Variants in ATP11C observed in about 807,000 individuals in gnomAD.
ATP11C encodes phospholipid-transporting ATPase IG.
In ATP11C, 36 loss-of-function variants were observed where a neutral mutation model predicts 97.4. The ratio of observed to expected loss-of-function variants is 0.37; its 90% confidence interval spans 0.28 to 0.49. The LOEUF (loss-of-function observed/expected upper bound fraction) is 0.49, where lower values mean the gene tolerates loss of function less well. ATP11C is among the 20% of genes least tolerant of loss of function. ATP11C has a pLI of 0.98. For missense variants in ATP11C, 730 were observed against 824.6 expected (o/e 0.89, Z 1.40); for synonymous variants, 275 against 290.9 (o/e 0.95, Z 0.56).
At chrX:139,846,730 A>C (rs1386108434) in intron 1 of ATP11C, among the ~76,000 whole-genome samples, 1 of 111,362 alleles carries the variant, frequency 9.0e-6, no homozygotes, top group Non-Finnish European at 1.9e-5. Context: ...TCATTGTTAT[A>C]GTTTGTATTT....
chrX:139,787,013 A>G (rs192335701), intron 15 of ATP11C, among the ~76,000 whole-genome samples, 160 bp downstream of exon 15: 4 of 112,185 alleles, frequency 3.6e-5, no homozygotes, highest in African/African-American at 1.3e-4. Context: ...ATTCTATGTA[A>G]CATGGCTTCT....
At chrX:139,761,883 A>G (rs893826370) in intron 22 of ATP11C, 78 bp downstream of exon 22, 2 of 702,343 alleles carry the variant, frequency 2.8e-6, no homozygotes, top group African/African-American at 2.3e-5. Flanking sequence ...AAAAAAAAAA[A>G]GGAAGAACAA....
chrX:139,809,085 C>G (rs2083109266), intron 5 of ATP11C, among the ~76,000 whole-genome samples: 1 of 108,312 alleles, frequency 9.2e-6, no homozygotes, highest in Non-Finnish European at 1.9e-5. Context: ...TGTACTCCAG[C>G]CTGGGTGACA....
chrX:139,857,524 C>G (rs1017482253), intron 1 of ATP11C, among the ~76,000 whole-genome samples: 1 of 111,495 alleles, frequency 9.0e-6, no homozygotes, highest in African/African-American at 3.3e-5. Context: ...ATTCCGATTA[C>G]CTGCTACCTG....
Position 139,733,337 on chromosome X carries a change from G to C in ATP11C, c.3289-1582C>G, listed in dbSNP as rs150994338. ...GTTTTGGCATTGCCCAAGCAAAACA[G>C]AAGATGAGTGGTCAACAATGTGGAT... On this transcript the variant is annotated intron_variant, in intron 28 of 29. Transcript: ENST00000682941. Among the ~76,000 whole-genome samples the C allele has an allele frequency of 3.2e-3, 362 of 112,055 alleles. 1 individual carries two copies. Among genetic ancestry groups the C allele is most frequent in the African/African-American group, 0.011 (340 of 30,921 alleles).
intron 16 of ATP11C, among the ~76,000 whole-genome samples, chrX:139,784,249 G>T (rs1369100170): frequency 9.0e-6 from 1 of 111,620 alleles, no homozygotes; most frequent in Non-Finnish European, 1.9e-5. Context: ...CATAAGAATA[G>T]CAAGTATTTG....
chrX:139,865,105 T>C (rs1569482316), intron 1 of ATP11C, among the ~76,000 whole-genome samples: 1 of 112,210 alleles, frequency 8.9e-6, no homozygotes, highest in Non-Finnish European at 1.9e-5. Flanking sequence ...GGCCAGGCAC[T>C]GTGGCTCATG....
intron 7 of ATP11C, among the ~76,000 whole-genome samples, chrX:139,801,444 AAT>A (rs2082925104): frequency 1.8e-5 from 2 of 112,201 alleles, no homozygotes; most frequent in African/African-American, 6.5e-5. Flanking sequence ...AAGTAGAATG[AAT>A]ACTTTGTTTT....
intron 2 of ATP11C, among the ~76,000 whole-genome samples, chrX:139,822,427 T>G (rs183698858): frequency 0.012 from 1,237 of 107,559 alleles, 43 homozygotes; most frequent in Admixed American, 0.092. Flanking sequence ...TTGTTTGTTT[T>G]TTTTGAGACA....
At chrX:139,842,968 A>G in intron 1 of ATP11C, among the ~76,000 whole-genome samples, 1 of 111,346 alleles carries the variant, frequency 9.0e-6, no homozygotes. Flanking sequence ...TTCAACTCCC[A>G]CCTCATTTTC....
At chrX:139,915,701 A>AAC (rs1418109003) in intron 1 of ATP11C, among the ~76,000 whole-genome samples, 1 of 111,826 alleles carries the variant, frequency 8.9e-6, no homozygotes, top group Non-Finnish European at 1.9e-5. Flanking sequence ...TTGATTAATA[A>AAC]ACACTTCATT....
intron 16 of ATP11C, among the ~76,000 whole-genome samples, chrX:139,784,613 C>T (rs183697417): frequency 2.7e-5 from 3 of 111,430 alleles, no homozygotes; most frequent in African/African-American, 9.8e-5. Flanking sequence ...GGCAAACCAC[C>T]ATGGTGCCTC....
At chrX:139,789,950 A>G (rs1238652809) in intron 12 of ATP11C, among the ~76,000 whole-genome samples, 1 of 110,124 alleles carries the variant, frequency 9.1e-6, no homozygotes, top group East Asian at 2.9e-4. Context: ...GAATTGCTTG[A>G]ATCCAGGAGA....
intron 1 of ATP11C, among the ~76,000 whole-genome samples, chrX:139,876,393 T>A (rs370884003): frequency 4.4e-5 from 5 of 112,385 alleles, no homozygotes; most frequent in African/African-American, 1.6e-4. Context: ...AGGCAGTACC[T>A]TAGGCAGAAA....
At position 139,885,144 on chromosome X, in the gene ATP11C, C is replaced by A. The variant is rs761081562; in HGVS notation, c.27+46872G>T. 1.5e-3 allele frequency among the ~76,000 whole-genome samples: 168 copies of A among 110,671 alleles called. 1 individual carries two copies. Among genetic ancestry groups the A allele is most frequent in the Non-Finnish European group, 2.8e-3 (148 of 52,924 alleles). ...CTACCTCACTCTCCCAATTCCTGTC[C>A]TTCCCTCCCTTCCTCTGTCTCTCTC... On this transcript the variant is annotated intron_variant, in intron 1 of 29. Coordinates refer to ENST00000682941, the MANE Select transcript of ATP11C (RefSeq NM_001353812.2).
At position 139,826,734 on chromosome X, in the gene ATP11C, T is replaced by A; in HGVS notation, c.117A>T (p.Arg39Ser). The change falls in exon 2 of 30, where the codon AGA (arginine) becomes AGT (serine). Residue 39 changes from arginine (R) to serine (S), a missense_variant. Coordinates refer to ENST00000682941, the MANE Select transcript of ATP11C (RefSeq NM_001353812.2). ...ATGAGACTATTCTATTATCACAAAATCTTTGTGCAATGTAAGCTTCTGTTT... is the reference window on the plus strand; with the variant it reads ...ATGAGACTATTCTATTATCACAAAAACTTTGTGCAATGTAAGCTTCTGTTT... Reference protein sequence around the residue: ...VSETEAYIAQRFCDNRIVSSK... With the variant: ...VSETEAYIAQSFCDNRIVSSK... 1.7e-6 allele frequency: 2 copies of A among 1,207,052 alleles called. No homozygotes were observed. Among genetic ancestry groups the A allele is most frequent in the Non-Finnish European group, 2.2e-6 (2 of 891,863 alleles).
At chrX:139,885,478 C>G (rs1396658550) in intron 1 of ATP11C, 1 of 111,704 alleles carries the variant, frequency 9.0e-6, no homozygotes, top group Non-Finnish European at 1.9e-5. Context: ...AAACATGCTA[C>G]CTGTATTGTA....
intron 1 of ATP11C, among the ~76,000 whole-genome samples, chrX:139,904,709 T>A (rs2084948834): frequency 9.0e-6 from 1 of 111,019 alleles, no homozygotes; most frequent in African/African-American, 3.3e-5. Context: ...GGAAGGCTTC[T>A]TTAAGGAAAA....
At chrX:139,902,215 T>C (rs920648999) in intron 1 of ATP11C, among the ~76,000 whole-genome samples, 3 of 111,218 alleles carry the variant, frequency 2.7e-5, no homozygotes, top group African/African-American at 9.8e-5. Context: ...GTCCCGCCTT[T>C]CCCAACTAAA....
Sources: allele counts gnomAD v4.1 joint callset (sites outside exome capture counted in the v4.1 genomes callset), GRCh38; gene constraint gnomAD v4.1.1; transcripts MANE v1.5; gene names NCBI Gene and HGNC (gene_info 2026-07-23, HGNC 2026-07-21).